Variants in ARHGAP15 observed in about 807,000 individuals in gnomAD.
ARHGAP15 encodes Rho GTPase activating protein 15.
A neutral mutation model predicts 63.7 loss-of-function variants in ARHGAP15; 51 were observed. The observed-to-expected ratio is 0.80, with a 90% CI of 0.64 to 1.01. The LOEUF (loss-of-function observed/expected upper bound fraction) is 1.01. Among genes scored for constraint, ARHGAP15 ranks in the 50% least tolerant of loss-of-function variants. ARHGAP15 has a pLI of 0.00. For synonymous variants in ARHGAP15, 191 were observed against 193.8 expected (o/e 0.99, Z 0.12); for missense variants, 560 against 564.6 (o/e 0.99, Z 0.08).
chr2:143,538,586 T>A (rs1038157964), intron 10 of ARHGAP15, among the ~76,000 whole-genome samples: 8 of 152,220 alleles, frequency 5.3e-5, no homozygotes, highest in Non-Finnish European at 1.2e-4. Context: ...GTTTTTAGCA[T>A]GAAGGGTTGT....
At chr2:143,631,077 A>C (rs1699048071) in intron 12 of ARHGAP15, among the ~76,000 whole-genome samples, 1 of 152,088 alleles carries the variant, frequency 6.6e-6, no homozygotes, top group Non-Finnish European at 1.5e-5. Context: ...TATAAATGGA[A>C]TCATACAGTA....
chr2:143,325,370 GCCT>G (rs1452204774), intron 6 of ARHGAP15, among the ~76,000 whole-genome samples: 1 of 151,936 alleles, frequency 6.6e-6, no homozygotes, highest in African/African-American at 2.4e-5. Context: ...ATACTCTAGA[GCCT>G]CCTCCTCAAC....
intron 6 of ARHGAP15, among the ~76,000 whole-genome samples, chr2:143,284,560 A>T (rs1682003342): frequency 6.6e-6 from 1 of 152,198 alleles, no homozygotes; most frequent in Non-Finnish European, 1.5e-5. Flanking sequence ...CTTGGTTATG[A>T]TAATGATGCT....
intron 9 of ARHGAP15, among the ~76,000 whole-genome samples, chr2:143,497,606 C>T (rs1188745648): frequency 6.6e-6 from 1 of 152,058 alleles, no homozygotes; most frequent in Non-Finnish European, 1.5e-5. Flanking sequence ...CTCCATAGAC[C>T]TACGAACAGT....
intron 2 of ARHGAP15, among the ~76,000 whole-genome samples, chr2:143,184,557 G>A (rs1179196123): frequency 1.3e-5 from 2 of 151,790 alleles, no homozygotes; most frequent in African/African-American, 4.8e-5. Context: ...TTATATATTT[G>A]AGCATAAATT....
intron 5 of ARHGAP15, among the ~76,000 whole-genome samples, chr2:143,229,222 G>A (rs1307227687): frequency 6.6e-6 from 1 of 151,914 alleles, no homozygotes; most frequent in African/African-American, 2.4e-5. Context: ...CCTTAATATA[G>A]GGTATTACCA....
intron 12 of ARHGAP15, among the ~76,000 whole-genome samples, chr2:143,695,286 G>A (rs1246868099): frequency 6.6e-6 from 1 of 152,126 alleles, no homozygotes; most frequent in Non-Finnish European, 1.5e-5. Flanking sequence ...ATCGCCTAAG[G>A]ATGAATTAGT....
chr2:143,145,666 T>TTC (rs1689552374), intron 1 of ARHGAP15, among the ~76,000 whole-genome samples: 1 of 152,036 alleles, frequency 6.6e-6, no homozygotes, highest in East Asian at 1.9e-4. Context: ...TTACCTAGAT[T>TTC]GTGACCACAG....
At chr2:143,187,475 T>G (rs73962368) in intron 2 of ARHGAP15, among the ~76,000 whole-genome samples, 3,156 of 152,296 alleles carry the variant, frequency 0.021, 126 homozygotes, top group African/African-American at 0.072. Flanking sequence ...GCTAACATCA[T>G]TGAGCACTTA....
intron 9 of ARHGAP15, among the ~76,000 whole-genome samples, chr2:143,502,469 G>C (rs13010332): frequency 6.6e-6 from 1 of 152,106 alleles, no homozygotes; most frequent in Admixed American, 6.5e-5. Flanking sequence ...TTAGTGGAAA[G>C]CACTTCCCTG....
At chr2:143,661,637 G>A (rs559943610) in intron 12 of ARHGAP15, among the ~76,000 whole-genome samples, 1 of 152,162 alleles carries the variant, frequency 6.6e-6, no homozygotes, top group African/African-American at 2.4e-5. Context: ...GAAGACGGGT[G>A]ATTTCTGCAT....
chr2:143,249,682 G>T (rs1045941191), intron 5 of ARHGAP15, among the ~76,000 whole-genome samples: 3 of 152,044 alleles, frequency 2.0e-5, no homozygotes, highest in Non-Finnish European at 2.9e-5. Flanking sequence ...CCAATGTAAA[G>T]TTGTATAAGT....
chr2:143,730,019 A>G (rs1685456169), intron 13 of ARHGAP15, among the ~76,000 whole-genome samples: 1 of 152,218 alleles, frequency 6.6e-6, no homozygotes, highest in African/African-American at 2.4e-5. Context: ...GACTTTAGAA[A>G]AACAGAAGAG....
At chr2:143,392,983 A>G (rs1022023797) in intron 6 of ARHGAP15, among the ~76,000 whole-genome samples, 2 of 152,160 alleles carry the variant, frequency 1.3e-5, no homozygotes, top group African/African-American at 4.8e-5. Context: ...TGTGTAAAGG[A>G]GAAGAAGAGG....
chr2:143,648,702 A>G (rs896873344), intron 12 of ARHGAP15: 1 of 152,014 alleles, frequency 6.6e-6, no homozygotes, highest in Non-Finnish European at 1.5e-5. Flanking sequence ...TTCTAAATGA[A>G]AAGAGTTACC....
chr2:143,539,539 G>A (rs1419153024), intron 10 of ARHGAP15, among the ~76,000 whole-genome samples: 21 of 151,900 alleles, frequency 1.4e-4, no homozygotes, highest in South Asian at 4.2e-4. Flanking sequence ...TTCCCCCTAC[G>A]CACTGCTTTG....
intron 1 of ARHGAP15, among the ~76,000 whole-genome samples, chr2:143,153,328 T>C (rs1689910006): frequency 6.6e-6 from 1 of 151,870 alleles, no homozygotes; most frequent in Non-Finnish European, 1.5e-5. Context: ...GGAGAAAATA[T>C]TTTTCTAGAA....
chr2:143,412,169 G>A (rs948311510), intron 6 of ARHGAP15, among the ~76,000 whole-genome samples: 1 of 152,158 alleles, frequency 6.6e-6, no homozygotes, highest in African/African-American at 2.4e-5. Context: ...TGAGTGTAAA[G>A]GGTTAGGAAC....
At chr2:143,184,594 G>A (rs1459936690) in intron 2 of ARHGAP15, among the ~76,000 whole-genome samples, 2 of 151,792 alleles carry the variant, frequency 1.3e-5, no homozygotes, top group Admixed American at 6.6e-5. Context: ...TGATTTAAGA[G>A]ACTGATTTTG....
Sources: gnomAD v4.1 joint callset for allele counts (sites outside exome capture counted in the v4.1 genomes callset) on GRCh38, gnomAD v4.1.1 for gene constraint, MANE v1.5 for transcripts, NCBI Gene and HGNC (gene_info 2026-07-23, HGNC 2026-07-21) for gene names.